Variants in MTMR6 observed in about 807,000 individuals in gnomAD.
MTMR6 encodes phosphatidylinositol-3,5-bisphosphate 3-phosphatase MTMR6.
MTMR6 carries 47 observed loss-of-function variants against 80.1 expected under a neutral mutation model. That is an observed-to-expected ratio of 0.59 (90% CI 0.46 to 0.75). The LOEUF (loss-of-function observed/expected upper bound fraction) is 0.75, where lower values mean the gene tolerates loss of function less well. MTMR6 is among the 30% of genes least tolerant of loss of function. The pLI is 0.00. For missense variants in MTMR6, 629 were observed against 730.9 expected (o/e 0.86, Z 1.61); for synonymous variants, 254 against 253.0 (o/e 1.00, Z -0.04).
intron 1 of MTMR6, among the ~76,000 whole-genome samples, chr13:25,285,904 T>G (rs1197841522): frequency 6.6e-6 from 1 of 152,168 alleles, no homozygotes; most frequent in Non-Finnish European, 1.5e-5. Context: ...TTCGAACTGA[T>G]GCAGAAGGAA....
Position 25,274,939 on chromosome 13 carries a change from GACACAC to G in MTMR6, c.25-758_25-753del, listed in dbSNP as rs1555250640. 1.4e-4 allele frequency among the ~76,000 whole-genome samples: 6 copies of G among 42,968 alleles called. No individual in the cohort carries two copies. The Admixed American group carries it at 1.5e-3, about 11-fold the overall frequency. The allele number at this position is 42,968 out of a possible 152,430, so 28.2% of individuals were successfully genotyped here. ...ATGTTTTTATGAATACTAGTAGACA[GACACAC>G]ACACACACACACACATACACACACA... is the stretch of plus-strand genomic sequence containing the variant. On this transcript the variant is annotated intron_variant, in intron 1 of 13. Transcript: ENST00000381801.
In MTMR6 at chr13:25,263,656, G is replaced by A. The variant is rs192772334; in HGVS notation, c.592-1854C>T. 3.5e-3 allele frequency among the ~76,000 whole-genome samples: 528 copies of A among 152,312 alleles called. 9 individuals carry two copies. Among genetic ancestry groups the A allele is most frequent in the African/African-American group, 0.012 (509 of 41,568 alleles). Reference sequence around the variant, plus strand: ...AATCCCAGCACTTTGGGAGGCCGAGGCCGGTGGATCACCTGAGGTCAGGAG... The same window carrying A: ...AATCCCAGCACTTTGGGAGGCCGAGACCGGTGGATCACCTGAGGTCAGGAG... On this transcript the variant is annotated intron_variant, in intron 5 of 13. Coordinates refer to ENST00000381801, the MANE Select transcript of MTMR6 (RefSeq NM_004685.5).
chr13:25,259,070 A>G (rs1385512420), intron 6 of MTMR6, among the ~76,000 whole-genome samples: 1 of 152,244 alleles, frequency 6.6e-6, no homozygotes, highest in Non-Finnish European at 1.5e-5. Flanking sequence ...TTCCTTTTAC[A>G]GAATGAACCT....
intron 1 of MTMR6, among the ~76,000 whole-genome samples, chr13:25,274,696 T>C (rs887174700): frequency 1.7e-4 from 26 of 152,118 alleles, no homozygotes; most frequent in African/African-American, 5.6e-4. Flanking sequence ...ACTCACACTG[T>C]TCTCTGTTTC....
chr13:25,254,073 G>A, intron 10 of MTMR6, 109 bp from the exon 11 acceptor site: 2 of 1,147,318 alleles, frequency 1.7e-6, no homozygotes, highest in Non-Finnish European at 2.5e-6. Context: ...TGTTACATTA[G>A]CATGCAAAAC....
intron 1 of MTMR6, among the ~76,000 whole-genome samples, chr13:25,280,269 A>G (rs965552096): frequency 6.6e-5 from 10 of 152,258 alleles, no homozygotes; most frequent in Non-Finnish European, 1.5e-5. Flanking sequence ...ATTCAAATCT[A>G]TATAACAGAA....
chr13:25,287,146 A>G, intron 1 of MTMR6, 78 bp downstream of exon 1: 1 of 1,536,218 alleles, frequency 6.5e-7, no homozygotes, highest in Non-Finnish European at 8.7e-7. Context: ...CAGTCAGGCC[A>G]GCAGAGCCTT....
intron 6 of MTMR6, among the ~76,000 whole-genome samples, chr13:25,259,301 C>T (rs1011973169): frequency 6.6e-6 from 1 of 152,186 alleles, no homozygotes; most frequent in Non-Finnish European, 1.5e-5. Flanking sequence ...ACAGATTGCT[C>T]ATATGCCCAT....
At chr13:25,281,442 AAAG>A (rs1957842830) in intron 1 of MTMR6, among the ~76,000 whole-genome samples, 3 of 152,278 alleles carry the variant, frequency 2.0e-5, no homozygotes, top group African/African-American at 7.2e-5. Flanking sequence ...AAAAGAAAAA[AAAG>A]AAGAAAAGAT....
intron 5 of MTMR6, among the ~76,000 whole-genome samples, chr13:25,264,488 C>T (rs1957409107): frequency 6.6e-6 from 1 of 152,000 alleles, no homozygotes; most frequent in Non-Finnish European, 1.5e-5. Flanking sequence ...GGCGCAGTGG[C>T]TCACACCTGT....
chr13:25,255,865 C>G (rs953480460), intron 9 of MTMR6, among the ~76,000 whole-genome samples: 1 of 152,140 alleles, frequency 6.6e-6, no homozygotes, highest in Non-Finnish European at 1.5e-5. Context: ...ATCACCTCCC[C>G]CTTCACTTGT....
At chr13:25,283,277 A>G (rs904731022) in intron 1 of MTMR6, among the ~76,000 whole-genome samples, 2 of 152,214 alleles carry the variant, frequency 1.3e-5, no homozygotes, top group Non-Finnish European at 2.9e-5. Context: ...CTTCTTTGGT[A>G]GAACTAACTG....
chr13:25,262,908 T>G (rs1036379990), intron 5 of MTMR6, among the ~76,000 whole-genome samples: 2 of 152,240 alleles, frequency 1.3e-5, no homozygotes, highest in African/African-American at 4.8e-5. Flanking sequence ...AACTTTCCAA[T>G]AAACAATGTT....
At chr13:25,279,470 T>G (rs1233325496) in intron 1 of MTMR6, among the ~76,000 whole-genome samples, 1 of 152,214 alleles carries the variant, frequency 6.6e-6, no homozygotes, top group African/African-American at 2.4e-5. Context: ...TTGTTCTTTA[T>G]AGCAGTGTGA....
chr13:25,266,515 A>G (rs1325223276), intron 3 of MTMR6, among the ~76,000 whole-genome samples: 2 of 152,232 alleles, frequency 1.3e-5, no homozygotes, highest in African/African-American at 4.8e-5. Context: ...TAATAAATAC[A>G]GTCAGAATAG....
chr13:25,283,316 T>C (rs139649142), intron 1 of MTMR6, among the ~76,000 whole-genome samples: 2,760 of 152,344 alleles, frequency 0.018, 40 homozygotes, highest in Middle Eastern at 0.027. Flanking sequence ...ATTTTATTAA[T>C]TCTCTCAGGG....
chr13:25,287,433 T>G lies in MTMR6; in HGVS notation c.-186A>C. The G allele has an allele frequency of 5.7e-6, 4 of 705,990 alleles. No individual in the cohort carries two copies. The highest frequency in any genetic ancestry group is 9.6e-6 in the Non-Finnish European group (4 of 418,286). The allele number at this position is 705,990 out of a possible 1,614,324, so 43.7% of individuals were successfully genotyped here. A position where few individuals can be genotyped will look rare whatever the true frequency, so the allele number is the denominator to read the frequency against. The stretch of plus-strand genomic sequence containing the variant: ...GGTGAGCGCCGTCTCCTAGAAACAC[T>G]TCCCCAAACCCCGCGGCCTCCCGGG... On this transcript the variant is annotated 5_prime_UTR_variant, in exon 1 of 14. Coordinates refer to ENST00000381801, the MANE Select transcript of MTMR6 (RefSeq NM_004685.5).
rs929083527 is a variant in MTMR6 at position 25,264,772 on chromosome 13, A to G, written c.591+1047T>C. ...CCATCTCAAAAAAAAAAAAAAAAAA[A>G]AAAGAAATTTCAGAACACTGGGGAA... On this transcript the variant is annotated intron_variant, in intron 5 of 13. Transcript: ENST00000381801. Among the ~76,000 whole-genome samples, 270 of 137,074 alleles carry G rather than the reference A, an allele frequency of 2.0e-3. 11 individuals are homozygous for G. Among genetic ancestry groups the G allele is most frequent in the Non-Finnish European group, 1.5e-3 (93 of 62,408 alleles). 89.9% of individuals were successfully genotyped at this position (137,074 alleles called of 152,430 possible). A position where few individuals can be genotyped will look rare whatever the true frequency, so the allele number is the denominator to read the frequency against.
Position 25,283,561 on chromosome 13 carries a change from CA to C in MTMR6, c.24+3662del, listed in dbSNP as rs542887613. On this transcript the variant is annotated intron_variant, in intron 1 of 13. Coordinates refer to ENST00000381801, the MANE Select transcript of MTMR6 (RefSeq NM_004685.5). ...CATAGATGATCTCACATTCTAATGA[CA>C]AAAAGAGGGAGCAAGCTAAAGAACA... is the stretch of plus-strand genomic sequence containing the variant. Among the ~76,000 whole-genome samples, 14 of 152,154 alleles carry C rather than the reference CA, an allele frequency of 9.2e-5. No individual in the cohort carries two copies. The South Asian group carries it at 2.5e-3, about 27-fold the overall frequency.
Sources: allele counts gnomAD v4.1 joint callset (sites outside exome capture counted in the v4.1 genomes callset), GRCh38; gene constraint gnomAD v4.1.1; transcripts MANE v1.5; gene names NCBI Gene and HGNC (gene_info 2026-07-23, HGNC 2026-07-21).